ASCC3: variants seen among roughly 807,000 people sequenced by gnomAD.
ASCC3 encodes the protein activating signal cointegrator 1 complex subunit 3, also known as ASC-1 complex subunit P200.
Under a neutral mutation model 256.3 loss-of-function variants are expected in ASCC3, and 158 were observed. The ratio of observed to expected loss-of-function variants is 0.62; its 90% confidence interval spans 0.54 to 0.70. ASCC3 has a LOEUF of 0.70. Ranked by LOEUF, ASCC3 falls within the 30% of genes least tolerant of loss-of-function variation. The probability of loss-of-function intolerance (pLI) is 0.00; values close to 1 mark genes in which losing one functional copy is unlikely to be tolerated. For missense variants in ASCC3, 2,259 were observed against 2,626.0 expected (o/e 0.86, Z 3.05); for synonymous variants, 948 against 883.4 (o/e 1.07, Z -1.30).
intron 3 of ASCC3, chr6:100,858,969 C>T: frequency 1.5e-6 from 1 of 654,856 alleles, no homozygotes; most frequent in Non-Finnish European, 2.8e-6. Flanking sequence ...TTTTAAATGA[C>T]ATTATGACAT....
intron 8 of ASCC3, among the ~76,000 whole-genome samples, chr6:100,785,682 G>A (rs1769035712): frequency 1.3e-5 from 2 of 152,166 alleles, no homozygotes. Context: ...AAAGTGCTAG[G>A]ATTACAGGTG....
At chr6:100,649,987 G>C (rs1157865104) in intron 20 of ASCC3, among the ~76,000 whole-genome samples, 1 of 151,460 alleles carries the variant, frequency 6.6e-6, no homozygotes, top group Non-Finnish European at 1.5e-5. Flanking sequence ...GTAGTTTAGG[G>C]AATAATTTTC....
At chr6:100,674,813 A>G (rs940755910) in intron 14 of ASCC3, among the ~76,000 whole-genome samples, 1 of 151,732 alleles carries the variant, frequency 6.6e-6, no homozygotes, top group African/African-American at 2.4e-5. Flanking sequence ...TTGTATTTTT[A>G]GTAGAGACGG....
At chr6:100,547,163 G>T (rs530943969) in intron 36 of ASCC3, among the ~76,000 whole-genome samples, 20 of 151,910 alleles carry the variant, frequency 1.3e-4, no homozygotes, top group African/African-American at 4.4e-4. Flanking sequence ...GAATAACTGG[G>T]TATCCATATG....
chr6:100,571,275 C>T (rs1329665403), intron 36 of ASCC3, among the ~76,000 whole-genome samples: 1 of 152,178 alleles, frequency 6.6e-6, no homozygotes, highest in Admixed American at 6.5e-5. Flanking sequence ...ATGACTTGCT[C>T]CTGCATATTA....
At chr6:100,673,841 T>C (rs1283374229) in intron 14 of ASCC3, among the ~76,000 whole-genome samples, 1 of 152,214 alleles carries the variant, frequency 6.6e-6, no homozygotes, top group Admixed American at 6.5e-5. Context: ...TGACCATGCC[T>C]AGCCCTCCAT....
chr6:100,729,745 T>C (rs912457833), intron 10 of ASCC3, among the ~76,000 whole-genome samples: 4 of 152,274 alleles, frequency 2.6e-5, no homozygotes, highest in South Asian at 2.1e-4. Context: ...ATTTAAAGTT[T>C]TGAATCAAAA....
intron 23 of ASCC3, among the ~76,000 whole-genome samples, chr6:100,643,677 C>T (rs1775239954): frequency 6.6e-6 from 1 of 151,708 alleles, no homozygotes; most frequent in African/African-American, 2.4e-5. Flanking sequence ...GCAATTATAA[C>T]ACAATGGTAC....
chr6:100,724,046 G>A (rs1779499425), intron 11 of ASCC3, among the ~76,000 whole-genome samples: 2 of 147,520 alleles, frequency 1.4e-5, no homozygotes, highest in South Asian at 4.2e-4. Flanking sequence ...AAAGAGAGAA[G>A]ATGGCAAGTG....
chr6:100,550,567 GT>G (rs1769238673), intron 36 of ASCC3, among the ~76,000 whole-genome samples: 1 of 152,004 alleles, frequency 6.6e-6, no homozygotes, highest in South Asian at 2.1e-4. Context: ...AAACTTAGGA[GT>G]GCTGAACTCA....
intron 13 of ASCC3, among the ~76,000 whole-genome samples, chr6:100,693,616 G>A (rs1459733018): frequency 6.6e-6 from 1 of 152,052 alleles, no homozygotes; most frequent in Non-Finnish European, 1.5e-5. Flanking sequence ...GGACCAAAAG[G>A]GAAAACTGCT....
intron 37 of ASCC3, among the ~76,000 whole-genome samples, chr6:100,529,149 T>C (rs944775411): frequency 6.6e-6 from 1 of 152,074 alleles, no homozygotes; most frequent in Non-Finnish European, 1.5e-5. Flanking sequence ...AAAATGTGTG[T>C]GTGTGTGTGT....
At chr6:100,619,979 C>T (rs545391335) in intron 30 of ASCC3, among the ~76,000 whole-genome samples, 1 of 152,050 alleles carries the variant, frequency 6.6e-6, no homozygotes, top group Admixed American at 6.6e-5. Context: ...ATGAAGGAGA[C>T]CTTGCATTGC....
At chr6:100,766,332 C>G (rs533672156) in intron 10 of ASCC3, among the ~76,000 whole-genome samples, 36 of 152,058 alleles carry the variant, frequency 2.4e-4, no homozygotes, top group Non-Finnish European at 4.9e-4. Flanking sequence ...GACTTGGAAC[C>G]TAACCATATT....
chr6:100,799,693 A>G, intron 6 of ASCC3, 121 bp from the exon 7 acceptor site: 2 of 1,044,902 alleles, frequency 1.9e-6, no homozygotes, highest in Non-Finnish European at 2.7e-6. Context: ...AAGAAATTAA[A>G]CTACACAAAG....
At chr6:100,601,430 A>G (rs915657081) in intron 34 of ASCC3, among the ~76,000 whole-genome samples, 6 of 151,942 alleles carry the variant, frequency 3.9e-5, no homozygotes, top group African/African-American at 7.2e-5. Context: ...AACACTTATA[A>G]ATGCCCCACA....
rs191375785 is a variant in ASCC3, at chr6:100,565,934, A to G, written c.5550+23700T>C. Among the ~76,000 whole-genome samples the G allele has an allele frequency of 5.8e-3, 881 of 152,228 alleles. 12 individuals are homozygous for G. The highest frequency in any genetic ancestry group is 0.026 in the Admixed American group (400 of 15,268). Reference sequence around the variant, plus strand: ...ACTGTGTACTTTTTTTTATTCCTCCAAGCCATTAATAATGAAATAAAATGT... The same window carrying G: ...ACTGTGTACTTTTTTTTATTCCTCCGAGCCATTAATAATGAAATAAAATGT... On this transcript the variant is annotated intron_variant, in intron 36 of 41. Transcript: ENST00000369162.
chr6:100,568,525 C>A (rs1770391795), intron 36 of ASCC3, among the ~76,000 whole-genome samples: 1 of 151,814 alleles, frequency 6.6e-6, no homozygotes. Flanking sequence ...GTCTTTTACC[C>A]ATTTTTAAAT....
intron 36 of ASCC3, among the ~76,000 whole-genome samples, chr6:100,578,341 T>C (rs1471176436): frequency 6.6e-6 from 1 of 152,068 alleles, no homozygotes; most frequent in Non-Finnish European, 1.5e-5. Context: ...TGTGGTGGTT[T>C]GGGGTACAGA....
Sources: allele counts gnomAD v4.1 joint callset (sites outside exome capture counted in the v4.1 genomes callset), GRCh38; gene constraint gnomAD v4.1.1; transcripts MANE v1.5; gene names NCBI Gene and HGNC (gene_info 2026-07-23, HGNC 2026-07-21).